ASIC2: variants seen among roughly 807,000 people sequenced by gnomAD.
ASIC2 encodes the protein acid sensing ion channel subunit 2, also known as acid-sensing ion channel 2.
Under a neutral mutation model 57.3 loss-of-function variants are expected in ASIC2, and 25 were observed. The observed-to-expected ratio is 0.44, with a 90% CI of 0.32 to 0.61. The LOEUF is 0.61. Ranked by LOEUF, ASIC2 falls within the 20% of genes least tolerant of loss-of-function variation. The pLI, the probability that ASIC2 is intolerant of heterozygous loss-of-function variation, is 0.06. For synonymous variants in ASIC2, 319 were observed against 307.5 expected (o/e 1.04, Z -0.39); for missense variants, 641 against 738.1 (o/e 0.87, Z 1.52).
chr17:33,966,237 T>C (rs1442742571), intron 1 of ASIC2, among the ~76,000 whole-genome samples: 1 of 152,190 alleles, frequency 6.6e-6, no homozygotes, highest in East Asian at 1.9e-4. Flanking sequence ...GGGTGATTTG[T>C]CCTGCCTGTC....
intron 9 of ASIC2, 53 bp from the exon 10 acceptor site, chr17:33,014,119 A>C: frequency 1.4e-6 from 2 of 1,423,732 alleles, no homozygotes; most frequent in Middle Eastern, 1.7e-4. Context: ...AAAATTCTTC[A>C]TGATGCCACC....
chr17:33,392,176 TTCCTTCCTTCCTTCCTTCCC>T (rs542315336), intron 1 of ASIC2, among the ~76,000 whole-genome samples: 23,596 of 59,070 alleles, frequency 0.4, 2,671 homozygotes, highest in Non-Finnish European at 0.43. Flanking sequence ...CCTTTCTTCC[TTCCTTCCTTCCTTCCTTCCC>T]TCCTTCCTTC....
intron 1 of ASIC2, among the ~76,000 whole-genome samples, chr17:33,571,807 A>G (rs935095565): frequency 2.0e-5 from 3 of 152,206 alleles, no homozygotes; most frequent in African/African-American, 7.2e-5. Context: ...GGCCATTTGC[A>G]TGTGTGCTGG....
intron 1 of ASIC2, among the ~76,000 whole-genome samples, chr17:33,820,895 C>T (rs1008138709): frequency 6.6e-6 from 1 of 152,120 alleles, no homozygotes; most frequent in Non-Finnish European, 1.5e-5. Flanking sequence ...CCTAAAATTA[C>T]GTATAAGGCT....
chr17:33,754,771 A>C (rs1597862840), intron 1 of ASIC2, among the ~76,000 whole-genome samples: 1 of 152,002 alleles, frequency 6.6e-6, no homozygotes, highest in African/African-American at 2.4e-5. Context: ...CCTGGCCAAC[A>C]TGGTGAAACC....
chr17:33,762,250 T>C (rs1271002556), intron 1 of ASIC2, among the ~76,000 whole-genome samples: 2 of 152,164 alleles, frequency 1.3e-5, no homozygotes, highest in African/African-American at 4.8e-5. Context: ...CATTGGGTCC[T>C]GGGACCCAAA....
intron 1 of ASIC2, among the ~76,000 whole-genome samples, chr17:33,429,288 GAGATA>G (rs1319019369): frequency 2.6e-5 from 4 of 152,204 alleles, no homozygotes; most frequent in African/African-American, 4.8e-5. Flanking sequence ...AGACAAATAA[GAGATA>G]AGATAAGACT....
rs73276669 is a variant in ASIC2, at chr17:33,972,082, T to A, written c.555+183896A>T. ...CCTCCTTACAGATAAAGAAACAAAG[T>A]CTTCAAAGGTTGAATAATGTTGGGA... On this transcript the variant is annotated intron_variant, in intron 1 of 9. Coordinates refer to the ASIC2 transcript ENST00000359872. 5.7e-3 allele frequency among the ~76,000 whole-genome samples: 861 copies of A among 152,282 alleles called. 9 individuals carry two copies. The highest frequency in any genetic ancestry group is 0.02 in the African/African-American group (821 of 41,558).
intron 1 of ASIC2, among the ~76,000 whole-genome samples, chr17:33,223,368 G>C (rs1441337806): frequency 6.6e-6 from 1 of 151,998 alleles, no homozygotes; most frequent in Non-Finnish European, 1.5e-5. Flanking sequence ...TTTTAGTAGG[G>C]ACGGGGGTTT....
At chr17:33,626,577 T>G (rs975546744) in intron 1 of ASIC2, among the ~76,000 whole-genome samples, 1 of 152,172 alleles carries the variant, frequency 6.6e-6, no homozygotes, top group East Asian at 1.9e-4. Context: ...TACATCATGC[T>G]TTGGGAAACA....
rs202031397 is a variant in ASIC2, at chr17:33,081,583, G to A, written c.987+7280C>T. On this transcript the variant is annotated intron_variant, in intron 3 of 9. Transcript: ENST00000225823. Reference sequence around the variant, plus strand: ...GCCTTGAAAAAAACCAACTGGGCAAGCTTCCATTTCTAATGGGGTCCATGA... The same window carrying A: ...GCCTTGAAAAAAACCAACTGGGCAAACTTCCATTTCTAATGGGGTCCATGA... Among the ~76,000 whole-genome samples, 14 of 151,950 alleles carry A rather than the reference G, an allele frequency of 9.2e-5. No individual in the cohort carries two copies. In the East Asian group the frequency reaches 2.5e-3, roughly 27 times the overall value.
In ASIC2 at chr17:33,013,192, AT is replaced by A. The variant is rs1416952876; in HGVS notation, c.*772del. The A allele has an allele frequency of 6.6e-6, 1 of 152,356 alleles. No homozygotes were observed. The highest frequency in any genetic ancestry group is 1.5e-5 in the Non-Finnish European group (1 of 68,070). 9.4% of individuals were successfully genotyped at this position (152,356 alleles called of 1,614,324 possible). A position where few individuals can be genotyped will look rare whatever the true frequency, so the allele number is the denominator to read the frequency against. ...CAAACCTCAGAACATCAAAACTAAA[AT>A]AAAAAAGCATAAAATGAAGCAAAAC... On this transcript the variant is annotated 3_prime_UTR_variant, in exon 10 of 10. Coordinates refer to ENST00000225823, the MANE Select transcript of ASIC2 (RefSeq NM_183377.2).
At chr17:33,192,660 T>C (rs772742133) in intron 1 of ASIC2, among the ~76,000 whole-genome samples, 5 of 152,182 alleles carry the variant, frequency 3.3e-5, no homozygotes, top group Admixed American at 1.3e-4. Flanking sequence ...GACTTCTTTA[T>C]TGTGTAGCAA....
chr17:33,422,879 C>G (rs1051148128), intron 1 of ASIC2, among the ~76,000 whole-genome samples: 1 of 152,094 alleles, frequency 6.6e-6, no homozygotes, highest in East Asian at 1.9e-4. Context: ...TCTCTAGGGA[C>G]AGTGGTAGGA....
chr17:33,653,964 CA>C (rs1197675652), intron 1 of ASIC2, among the ~76,000 whole-genome samples: 1 of 152,128 alleles, frequency 6.6e-6, no homozygotes, highest in Non-Finnish European at 1.5e-5. Context: ...ATTCTTTTTG[CA>C]GATGAGGAGA....
chr17:33,502,466 A>C (rs1914128675), intron 1 of ASIC2, among the ~76,000 whole-genome samples: 1 of 152,236 alleles, frequency 6.6e-6, no homozygotes, highest in Admixed American at 6.5e-5. Flanking sequence ...CTGCAGGCCC[A>C]GTAGAGCTGG....
intron 1 of ASIC2, among the ~76,000 whole-genome samples, chr17:33,983,651 G>T (rs114445310): frequency 3.3e-5 from 5 of 152,270 alleles, no homozygotes; most frequent in Middle Eastern, 3.4e-3. Flanking sequence ...GTGCAAATTC[G>T]TGAGCCACCC....
chr17:33,845,963 T>C (rs142374281), intron 1 of ASIC2, among the ~76,000 whole-genome samples: 2 of 152,342 alleles, frequency 1.3e-5, no homozygotes, highest in East Asian at 3.9e-4. Context: ...GACTTCCTCT[T>C]ATGACTTTCG....
At chr17:33,024,414 T>A (rs909897960) in intron 5 of ASIC2, among the ~76,000 whole-genome samples, 4 of 152,200 alleles carry the variant, frequency 2.6e-5, no homozygotes, top group Non-Finnish European at 5.9e-5. Context: ...CTCTTCCTGC[T>A]GGGGCTCCCT....
Sources: gnomAD v4.1 joint callset for allele counts (sites outside exome capture counted in the v4.1 genomes callset) on GRCh38, gnomAD v4.1.1 for gene constraint, MANE v1.5 for transcripts, NCBI Gene and HGNC (gene_info 2026-07-23, HGNC 2026-07-21) for gene names.